ZRSR2: variants seen among roughly 807,000 people sequenced by gnomAD.
ZRSR2 encodes U2 small nuclear ribonucleoprotein auxiliary factor 35 kDa subunit-related protein 2.
A neutral mutation model predicts 39.4 loss-of-function variants in ZRSR2; 3 were observed. The ratio of observed to expected loss-of-function variants is 0.08; its 90% CI spans 0.03 to 0.20. The LOEUF is 0.20. Ranked by LOEUF, ZRSR2 falls within the 10% of genes least tolerant of loss-of-function variation. The probability of loss-of-function intolerance (pLI) is 1.00; values close to 1 mark genes in which losing one functional copy is unlikely to be tolerated. For missense variants in ZRSR2, 256 were observed against 391.5 expected, an observed-to-expected ratio of 0.65 and a Z score of 2.92; for synonymous variants, 137 against 136.0, an observed-to-expected ratio of 1.01 and a Z score of -0.05.
intron 5 of ZRSR2, 122 bp downstream of exon 5, chrX:15,804,319 T>C (rs1432600224): frequency 1.3e-5 from 13 of 1,036,791 alleles, no homozygotes; most frequent in Non-Finnish European, 1.5e-5. Context: ...GAAAGAATCA[T>C]ATTTCAGTTT....
intron 4 of ZRSR2, among the ~76,000 whole-genome samples, 153 bp downstream of exon 4, chrX:15,803,949 G>GA (rs369783360): frequency 3.1e-3 from 145 of 46,587 alleles, no homozygotes; most frequent in African/African-American, 9.3e-3. Flanking sequence ...ATCTCAAAAA[G>GA]AAAAAAAAAA....
intron 4 of ZRSR2, 32 bp downstream of exon 4, chrX:15,803,828 A>G (rs745349625): frequency 8.5e-7 from 1 of 1,170,709 alleles, no homozygotes; most frequent in South Asian, 1.9e-5. Flanking sequence ...TAGTGAACAA[A>G]CTGATTACTT....
chrX:15,815,319 G>A (rs997124058), intron 7 of ZRSR2, among the ~76,000 whole-genome samples: 5 of 112,331 alleles, frequency 4.5e-5, no homozygotes, highest in African/African-American at 6.5e-5. Context: ...TGTTTGAGAC[G>A]GAGTTTCGCT....
intron 2 of ZRSR2, 126 bp downstream of exon 2, chrX:15,791,139 GC>G (rs1372346661): frequency 1.3e-5 from 7 of 558,458 alleles, no homozygotes; most frequent in Non-Finnish European, 1.8e-5. Context: ...TGTGACTTCT[GC>G]CCCCAAGTAG....
intron 5 of ZRSR2, among the ~76,000 whole-genome samples, chrX:15,805,455 C>A (rs1932770488): frequency 8.9e-6 from 1 of 111,897 alleles, no homozygotes; most frequent in Non-Finnish European, 1.9e-5. Flanking sequence ...GAAATAGATT[C>A]TAAGCTTATA....
intron 10 of ZRSR2, 69 bp downstream of exon 10, chrX:15,820,385 G>C (rs1933078026): frequency 9.9e-7 from 1 of 1,014,679 alleles, no homozygotes; most frequent in Admixed American, 2.3e-5. Context: ...TTCTTTGGGG[G>C]AAACCCAGTA....
At chrX:15,817,420 CA>C (rs1933000636) in intron 8 of ZRSR2, among the ~76,000 whole-genome samples, 1 of 111,513 alleles carries the variant, frequency 9.0e-6, no homozygotes, top group Admixed American at 9.6e-5. Context: ...TCATTTTGAA[CA>C]TAAACGCTAA....
chrX:15,794,926 C>G (rs1932399310), intron 2 of ZRSR2, among the ~76,000 whole-genome samples: 1 of 111,611 alleles, frequency 9.0e-6, no homozygotes, highest in Admixed American at 9.6e-5. Flanking sequence ...AATTTGTTTT[C>G]TGGCACTGCT....
At chrX:15,792,070 T>C (rs1474266287) in intron 2 of ZRSR2, among the ~76,000 whole-genome samples, 1 of 111,659 alleles carries the variant, frequency 9.0e-6, no homozygotes, top group Non-Finnish European at 1.9e-5. Flanking sequence ...CCTCCCAAAG[T>C]GCTGGGATTA....
Position 15,790,936 on chromosome X carries a change from A to G in ZRSR2, c.44A>G (p.His15Arg), listed in dbSNP as rs746007790. 1 of 1,210,398 alleles carries G rather than the reference A, an allele frequency of 8.3e-7. No individual in the cohort carries two copies. The highest frequency in any genetic ancestry group is 1.8e-5 in the South Asian group (1 of 56,935). ...EKMTFPEKPS[H>R]KKYRAALKKE... ...GTGTATATGTCTTAATCTTCCAGCC[A>G]CAAAAAGTACAGGGCCGCCCTGAAG... Residue 15 changes from histidine to arginine, a missense_variant and splice_region_variant, in exon 2 of 11, where the codon CAC (histidine) becomes CGC (arginine). Physicochemically the swap from His to Arg is conservative, Grantham distance 29 (BLOSUM62 0). Coordinates refer to ENST00000307771, the MANE Select transcript of ZRSR2 (RefSeq NM_005089.4).
In ZRSR2 at chrX:15,790,542, C is replaced by G; in HGVS notation, c.41+6C>G. The G allele has an allele frequency of 8.6e-7, 1 of 1,160,431 alleles. No individual in the cohort carries two copies. The highest frequency in any genetic ancestry group is 3.3e-5 in the East Asian group (1 of 30,396). On this transcript the variant is annotated splice_donor_region_variant and intron_variant, in intron 1 of 10. Coordinates refer to ENST00000307771, the MANE Select transcript of ZRSR2 (RefSeq NM_005089.4). ...ACGTTTCCCGAGAAACCAAGGTAAG[C>G]GCCGTACGGGGAGATGAGCAGGCGA...
At chrX:15,797,122 A>G (rs1027121065) in intron 2 of ZRSR2, among the ~76,000 whole-genome samples, 2 of 110,540 alleles carry the variant, frequency 1.8e-5, no homozygotes, top group Admixed American at 1.9e-4. Flanking sequence ...GCAAGGAAAC[A>G]ATAAAACACT....
At chrX:15,808,571 T>C (rs991410241) in intron 6 of ZRSR2, among the ~76,000 whole-genome samples, 1 of 110,923 alleles carries the variant, frequency 9.0e-6, no homozygotes, top group South Asian at 3.8e-4. Flanking sequence ...CTTCTATTTC[T>C]GTCTGTGGTG....
intron 2 of ZRSR2, among the ~76,000 whole-genome samples, chrX:15,797,335 C>T (rs12846543): frequency 9.3e-6 from 1 of 107,273 alleles, no homozygotes; most frequent in African/African-American, 3.4e-5. Context: ...CTCAGCCTCC[C>T]GAGTAGCTGG....
intron 2 of ZRSR2, among the ~76,000 whole-genome samples, chrX:15,798,718 T>C (rs1022325469): frequency 8.9e-6 from 1 of 112,275 alleles, no homozygotes; most frequent in Admixed American, 9.5e-5. Flanking sequence ...GCCAGTTATC[T>C]TGTGGAATGC....
chrX:15,813,386 G>A (rs1380010445), intron 7 of ZRSR2, among the ~76,000 whole-genome samples: 5 of 112,379 alleles, frequency 4.4e-5, no homozygotes, highest in Non-Finnish European at 9.4e-5. Context: ...AGGGTAGGAA[G>A]TAAGAAATCT....
intron 3 of ZRSR2, among the ~76,000 whole-genome samples, chrX:15,803,042 C>A (rs759090365): frequency 3.1e-4 from 34 of 108,960 alleles, no homozygotes; most frequent in African/African-American, 1.1e-3. Context: ...GCAGGTGGAT[C>A]ACTTGAGGTC....
chrX:15,817,667 A>G (rs777213871), intron 8 of ZRSR2, among the ~76,000 whole-genome samples: 12 of 111,615 alleles, frequency 1.1e-4, no homozygotes, highest in Non-Finnish European at 2.3e-4. Context: ...CAGTTTGTCA[A>G]TACCTAGTGA....
intron 2 of ZRSR2, among the ~76,000 whole-genome samples, chrX:15,797,338 G>T (rs1932511668): frequency 1.9e-5 from 2 of 107,272 alleles, no homozygotes; most frequent in Admixed American, 2.0e-4. Context: ...AGCCTCCCGA[G>T]TAGCTGGGAT....
Sources: allele counts gnomAD v4.1 joint callset (sites outside exome capture counted in the v4.1 genomes callset), GRCh38; gene constraint gnomAD v4.1.1; transcripts MANE v1.5; gene names NCBI Gene and HGNC (gene_info 2026-07-23, HGNC 2026-07-21).